Variants in TERB1 observed in about 807,000 individuals in gnomAD.
The protein encoded by TERB1 is telomere repeats-binding bouquet formation protein 1.
A neutral mutation model predicts 92.3 loss-of-function variants in TERB1; 63 were observed. That is an observed-to-expected ratio of 0.68 (90% confidence interval 0.56 to 0.84). The LOEUF (loss-of-function observed/expected upper bound fraction) is 0.84. Ranked by LOEUF, TERB1 falls within the 40% of genes least tolerant of loss-of-function variation. TERB1 has a pLI of 0.00. For synonymous variants in TERB1, 252 were observed against 283.9 expected, an observed-to-expected ratio of 0.89 and a Z score of 1.13; for missense variants, 709 against 843.7, an observed-to-expected ratio of 0.84 and a Z score of 1.98.
intron 1 of TERB1, among the ~76,000 whole-genome samples, 181 bp from the exon 2 acceptor site, chr16:66,801,234 G>T (rs890549143): frequency 6.6e-6 from 1 of 152,226 alleles, no homozygotes; most frequent in African/African-American, 2.4e-5. Context: ...GGCGCCTGGG[G>T]AGTCAGAAGT....
intron 5 of TERB1, among the ~76,000 whole-genome samples, chr16:66,789,820 C>T (rs1350669322): frequency 6.6e-6 from 1 of 151,424 alleles, no homozygotes; most frequent in African/African-American, 2.4e-5. Flanking sequence ...AAGCAATCTC[C>T]CACCTCGGCC....
chr16:66,764,530 A>G (rs1001615090), intron 16 of TERB1, among the ~76,000 whole-genome samples: 5 of 152,204 alleles, frequency 3.3e-5, no homozygotes, highest in African/African-American at 1.2e-4. Flanking sequence ...TAGCATGATG[A>G]CACGATAAAG....
intron 14 of TERB1, 87 bp downstream of exon 14, chr16:66,769,876 G>A: frequency 2.2e-6 from 2 of 901,330 alleles, no homozygotes; most frequent in Non-Finnish European, 3.4e-6. Flanking sequence ...ACTTCTACAT[G>A]CCCAATATTT....
At chr16:66,771,194 G>A (rs918854961) in intron 13 of TERB1, among the ~76,000 whole-genome samples, 1 of 152,118 alleles carries the variant, frequency 6.6e-6, no homozygotes, top group South Asian at 2.1e-4. Flanking sequence ...AATATTAATA[G>A]CTCTTAAACA....
chr16:66,795,472 T>C (rs2018913845), intron 3 of TERB1, among the ~76,000 whole-genome samples: 1 of 152,194 alleles, frequency 6.6e-6, no homozygotes, highest in Non-Finnish European at 1.5e-5. Flanking sequence ...CAGCTAGTGT[T>C]TCCTGGGATC....
intron 13 of TERB1, among the ~76,000 whole-genome samples, chr16:66,770,851 C>CAT (rs953085237): frequency 1.3e-4 from 19 of 151,690 alleles, no homozygotes; most frequent in East Asian, 3.9e-4. Flanking sequence ...ACAGGATATA[C>CAT]ATATATATAT....
chr16:66,782,583 T>C (rs924865404), intron 9 of TERB1, among the ~76,000 whole-genome samples: 2 of 151,394 alleles, frequency 1.3e-5, no homozygotes, highest in Admixed American at 6.6e-5. Context: ...TGTAAGTCTA[T>C]ACCTACACCA....
intron 18 of TERB1, chr16:66,758,266 C>T (rs2018169783): frequency 6.5e-6 from 1 of 154,558 alleles, no homozygotes; most frequent in Admixed American, 6.4e-5. Flanking sequence ...TGCTCCTTCC[C>T]CTGCTGGCAG....
At chr16:66,759,441 C>T (rs2018192768) in intron 16 of TERB1, among the ~76,000 whole-genome samples, 151 bp from the exon 17 acceptor site, 1 of 152,012 alleles carries the variant, frequency 6.6e-6, no homozygotes, top group South Asian at 2.1e-4. Flanking sequence ...GGAGTAAAGA[C>T]AACAAATACA....
At chr16:66,784,902 T>C (rs1268900207) in intron 9 of TERB1, among the ~76,000 whole-genome samples, 1 of 151,616 alleles carries the variant, frequency 6.6e-6, no homozygotes, top group Non-Finnish European at 1.5e-5. Context: ...TTTTGTATTT[T>C]CAGTAGAGAC....
At chr16:66,788,465 T>C (rs768133878) in intron 5 of TERB1, among the ~76,000 whole-genome samples, 168 bp from the exon 6 acceptor site, 6 of 152,092 alleles carry the variant, frequency 3.9e-5, no homozygotes, top group Non-Finnish European at 8.8e-5. Flanking sequence ...GATATGCGCT[T>C]ACTCAATTAG....
intron 11 of TERB1, among the ~76,000 whole-genome samples, chr16:66,776,946 A>G (rs2018558854): frequency 1.3e-5 from 2 of 152,112 alleles, no homozygotes; most frequent in Non-Finnish European, 2.9e-5. Flanking sequence ...TTAAGGGCCT[A>G]CTTTGGAAGA....
chr16:66,775,227 G>T lies in TERB1; in HGVS notation c.1002C>A (p.Asp334Glu). ...GTGGAAGCCCATTGTTTTTAAAAAG[G>T]TCATACTGATTTTCCTCTGGAAAAC... ...CTEDCEENQY[D>E]LFKNNGLPLM... The change falls in exon 12 of 19, where the codon GAC becomes GAA. Residue 334 changes from aspartate to glutamate, a missense_variant. Transcript: ENST00000433154. The T allele has an allele frequency of 1.3e-6, 2 of 1,550,856 alleles. No homozygotes were observed. Among genetic ancestry groups the T allele is most frequent in the Non-Finnish European group, 1.7e-6 (2 of 1,146,330 alleles).
intron 3 of TERB1, among the ~76,000 whole-genome samples, chr16:66,791,610 A>AG (rs1434989476): frequency 1.3e-5 from 2 of 152,170 alleles, no homozygotes; most frequent in African/African-American, 4.8e-5. Context: ...CAAATTACCA[A>AG]TATCAGAAAT....
At chr16:66,778,786 T>C in intron 10 of TERB1, 77 bp downstream of exon 10, 2 of 1,171,788 alleles carry the variant, frequency 1.7e-6, no homozygotes, top group Non-Finnish European at 1.1e-6. Context: ...TACTATTCAA[T>C]CTACTATTTC....
At chr16:66,776,613 A>C (rs1346761780) in intron 11 of TERB1, among the ~76,000 whole-genome samples, 1 of 151,998 alleles carries the variant, frequency 6.6e-6, no homozygotes, top group Non-Finnish European at 1.5e-5. Context: ...GAGTGGAAAG[A>C]GCAGAGAGAG....
In TERB1 at chr16:66,797,661, A is replaced by ACACACT. The variant is rs1162593919; in HGVS notation, c.-32-832_-32-831insAGTGTG. Among the ~76,000 whole-genome samples, 29 of 148,602 alleles carry ACACACT rather than the reference A, an allele frequency of 2.0e-4. No individual in the cohort carries two copies. The East Asian group carries it at 5.3e-3, about 27-fold the overall frequency. ...CACACACACACACACACACACACAC[A>ACACACT]CTCTTTAGATTGGCCTTTCTCTTCA... is the stretch of plus-strand genomic sequence containing the variant. On this transcript the variant is annotated intron_variant, in intron 2 of 18. Transcript: ENST00000433154.
Position 66,755,179 on chromosome 16 carries a change from T to C in TERB1, c.1997-16A>G. ...CTTCTTTTTTCTATAATTAGAATTG[T>C]AGAATATATTAGTATTTGCTGAACA... On this transcript the variant is annotated splice_polypyrimidine_tract_variant and intron_variant, in intron 18 of 18. Transcript: ENST00000433154. The C allele has an allele frequency of 7.1e-7, 1 of 1,416,844 alleles. No individual in the cohort carries two copies. Among genetic ancestry groups the C allele is most frequent in the East Asian group, 2.5e-5 (1 of 40,296 alleles). The allele number at this position is 1,416,844 out of a possible 1,614,324, so 87.8% of individuals were successfully genotyped here.
chr16:66,772,044 T>C (rs1434861082), intron 13 of TERB1, among the ~76,000 whole-genome samples: 4 of 134,890 alleles, frequency 3.0e-5, no homozygotes, highest in East Asian at 3.1e-4. Flanking sequence ...TCATCATTTC[T>C]ACTTTTTAAA....
Sources: gnomAD v4.1 joint callset for allele counts (sites outside exome capture counted in the v4.1 genomes callset) on GRCh38, gnomAD v4.1.1 for gene constraint, MANE v1.5 for transcripts, NCBI Gene and HGNC (gene_info 2026-07-23, HGNC 2026-07-21) for gene names.